SNX1: variants seen among roughly 807,000 people sequenced by gnomAD.
SNX1 encodes sorting nexin 1.
In SNX1, 36 loss-of-function variants were observed where a neutral mutation model predicts 71.8. The ratio of observed to expected loss-of-function variants is 0.50; its 90% CI spans 0.38 to 0.66. SNX1 has a LOEUF of 0.66. Among genes scored for constraint, SNX1 ranks in the 30% least tolerant of loss-of-function variants. The pLI is 0.00. For missense variants in SNX1, 612 were observed against 646.7 expected (o/e 0.95, Z 0.58); for synonymous variants, 254 against 240.7 (o/e 1.06, Z -0.51).
Position 64,096,990 on chromosome 15 carries a change from A to G in SNX1, c.159+818A>G, listed in dbSNP as rs541578286. On this transcript the variant is annotated intron_variant, in intron 1 of 14. Transcript: ENST00000559844. ...AACGAAGCAGCGAAAGCAGGAATTT[A>G]TTAAAGCGAGAAAGCACCCCACAGG... 4.6e-4 allele frequency among the ~76,000 whole-genome samples: 70 copies of G among 152,382 alleles called. No individual in the cohort carries two copies. The Middle Eastern group carries it at 0.027, about 59-fold the overall frequency.
Position 64,123,529 on chromosome 15 carries a change from T to C in SNX1, c.493T>C (p.Tyr165His). Residue 165 changes from tyrosine (Y) to histidine (H), a missense_variant, in exon 5 of 15, where the codon TAC becomes CAC. Coordinates refer to ENST00000559844, the MANE Select transcript of SNX1 (RefSeq NM_003099.5). ...IGDGMNAYVA[Y>H]KVTTQTSLPL... ...GGATGGTATGAATGCATATGTAGCC[T>C]ACAAAGTTACAACACAGGTGAGTCC... 6.2e-7 allele frequency: 1 copy of C among 1,613,982 alleles called. No individual in the cohort carries two copies. The highest frequency in any genetic ancestry group is 1.3e-5 in the African/African-American group (1 of 75,058).
intron 1 of SNX1, among the ~76,000 whole-genome samples, chr15:64,108,518 C>T (rs558934683): frequency 3.9e-5 from 6 of 152,166 alleles, no homozygotes; most frequent in East Asian, 1.9e-4. Flanking sequence ...ATACCATGAA[C>T]GTGAGTCCAT....
intron 8 of SNX1, among the ~76,000 whole-genome samples, chr15:64,128,236 T>A (rs1446487695): frequency 6.6e-6 from 1 of 152,210 alleles, no homozygotes; most frequent in Non-Finnish European, 1.5e-5. Context: ...TAGTCATGAT[T>A]GTCAAAAACT....
At chr15:64,097,676 TGG>T (rs2080917406) in intron 1 of SNX1, among the ~76,000 whole-genome samples, 1 of 152,254 alleles carries the variant, frequency 6.6e-6, no homozygotes, top group South Asian at 2.1e-4. Flanking sequence ...AGAGATGTTT[TGG>T]GCTATTTTAT....
intron 10 of SNX1, 79 bp downstream of exon 10, chr15:64,130,400 C>A: frequency 8.7e-7 from 1 of 1,146,958 alleles, no homozygotes; most frequent in Non-Finnish European, 1.3e-6. Context: ...GCATGCTGTT[C>A]CAATCCTCTC....
chr15:64,136,458 G>A (rs2290122), intron 13 of SNX1, 48 bp downstream of exon 13: 1,136,523 of 1,513,406 alleles, frequency 0.75, 435,504 homozygotes, highest in East Asian at 0.81. Context: ...TGCTTGTTTT[G>A]GGAGTACTCT....
In SNX1 at chr15:64,133,455, C is replaced by T. The variant is rs145169214; in HGVS notation, c.1222-1209C>T. Among the ~76,000 whole-genome samples, 645 of 152,298 alleles carry T rather than the reference C, an allele frequency of 4.2e-3. 6 individuals are homozygous for T. The highest frequency in any genetic ancestry group is 0.015 in the African/African-American group (616 of 41,546). The stretch of plus-strand genomic sequence containing the variant: ...AGACAATATGCAGGGAAGGTTGGGG[C>T]GTGGTGGCTCACGCCTGTAATCCCA... On this transcript the variant is annotated intron_variant, in intron 11 of 14. Coordinates refer to ENST00000559844, the MANE Select transcript of SNX1 (RefSeq NM_003099.5).
At position 64,137,774 on chromosome 15, in the gene SNX1, G is replaced by A. The variant is rs1237516220; in HGVS notation, c.*156G>A. On this transcript the variant is annotated 3_prime_UTR_variant, in exon 15 of 15. Transcript: ENST00000559844. ...CCAACTGTCCCCAGTTACTCTAACC[G>A]TTATTTCATTTAGCTTCCATATATA... 1.4e-5 allele frequency: 21 copies of A among 1,448,858 alleles called. No individual in the cohort carries two copies. Among genetic ancestry groups the A allele is most frequent in the Middle Eastern group, 3.6e-4 (2 of 5,546 alleles). The allele number at this position is 1,448,858 out of a possible 1,614,324, so 89.8% of individuals were successfully genotyped here. A position where few individuals can be genotyped will look rare whatever the true frequency, so the allele number is the denominator to read the frequency against.
At chr15:64,106,651 A>G (rs2081025112) in intron 1 of SNX1, among the ~76,000 whole-genome samples, 1 of 152,204 alleles carries the variant, frequency 6.6e-6, no homozygotes. Flanking sequence ...TGGCTGGGAC[A>G]GTGTAATCAC....
rs1487695176 is a variant in SNX1, at chr15:64,137,707, C to T, written c.*89C>T. Reference sequence around the variant, plus strand: ...CTTGATGGACCCCTAGTGATGCATCCTGCCTAGGCTGGACTTAACCCCTTC... The same window carrying T: ...CTTGATGGACCCCTAGTGATGCATCTTGCCTAGGCTGGACTTAACCCCTTC... On this transcript the variant is annotated 3_prime_UTR_variant, in exon 15 of 15. Coordinates refer to ENST00000559844, the MANE Select transcript of SNX1 (RefSeq NM_003099.5). The T allele has an allele frequency of 6.3e-7, 1 of 1,592,294 alleles. No individual in the cohort carries two copies. The highest frequency in any genetic ancestry group is 2.3e-5 in the East Asian group (1 of 44,346).
chr15:64,099,796 C>G lies in SNX1; in HGVS notation c.159+3624C>G, dbSNP rs542725469. 1.6e-4 allele frequency among the ~76,000 whole-genome samples: 24 copies of G among 152,348 alleles called. No homozygotes were observed. The South Asian group carries it at 4.1e-3, about 26-fold the overall frequency. Reference sequence around the variant, plus strand: ...GCACAATCTCAGCTCACTGCAGCCCCTGCCTCCTGGGTTCAAGCGATTCTC... The same window carrying G: ...GCACAATCTCAGCTCACTGCAGCCCGTGCCTCCTGGGTTCAAGCGATTCTC... On this transcript the variant is annotated intron_variant, in intron 1 of 14. Transcript: ENST00000559844.
chr15:64,102,437 A>G (rs2080971882), intron 1 of SNX1, among the ~76,000 whole-genome samples: 1 of 152,182 alleles, frequency 6.6e-6, no homozygotes, highest in African/African-American at 2.4e-5. Context: ...ACGATAAATT[A>G]TTGCTAACTG....
Position 64,118,057 on chromosome 15 carries a change from A to G in SNX1, c.272-60A>G. On this transcript the variant is annotated intron_variant, in intron 2 of 14. Transcript: ENST00000559844. ...GTTCTTGTAAGTTCTTAGCCTATAC[A>G]AGTTTAGCCTTCAAAGACTCATTAC... is the stretch of plus-strand genomic sequence containing the variant. 8 of 1,542,702 alleles carry G rather than the reference A, an allele frequency of 5.2e-6. 1 individual carries two copies. In the South Asian group the frequency reaches 6.9e-5, roughly 13 times the overall value.
chr15:64,108,803 C>T (rs1015246543), intron 1 of SNX1, among the ~76,000 whole-genome samples: 13 of 151,710 alleles, frequency 8.6e-5, no homozygotes, highest in African/African-American at 3.1e-4. Context: ...GCCTGGCCAA[C>T]ATGATGAAAC....
intron 2 of SNX1, among the ~76,000 whole-genome samples, chr15:64,113,850 A>G (rs550667088): frequency 2.6e-5 from 4 of 152,062 alleles, no homozygotes; most frequent in African/African-American, 4.8e-5. Context: ...AGAGAGAGAG[A>G]GAGAGAGAAA....
At chr15:64,109,204 C>T (rs1220519233) in intron 1 of SNX1, among the ~76,000 whole-genome samples, 1 of 152,138 alleles carries the variant, frequency 6.6e-6, no homozygotes, top group East Asian at 1.9e-4. Flanking sequence ...AACCCCGTCT[C>T]TACTAAAAAT....
chr15:64,137,402 C>T (rs925441877), intron 14 of SNX1, among the ~76,000 whole-genome samples, 166 bp from the exon 15 acceptor site: 1 of 152,208 alleles, frequency 6.6e-6, no homozygotes, highest in Non-Finnish European at 1.5e-5. Flanking sequence ...CCTTCCCTGT[C>T]GAGAGGGAGG....
chr15:64,141,308 C>T lies in SNX1; in HGVS notation c.*3690C>T, dbSNP rs1267505156. On this transcript the variant is annotated 3_prime_UTR_variant, in exon 15 of 15. Coordinates refer to ENST00000559844, the MANE Select transcript of SNX1 (RefSeq NM_003099.5). This position sits in a 1 kb window ranked among gnomAD's most constrained non-coding sequence, Gnocchi z 5.1. ...GATGTCTCCTCTGGTTTCAGAACTTCCTCCTCTGCTTCCTGTATCCTGAGG... is the reference window on the plus strand; with the variant it reads ...GATGTCTCCTCTGGTTTCAGAACTTTCTCCTCTGCTTCCTGTATCCTGAGG... The T allele has an allele frequency of 6.6e-6, 1 of 152,248 alleles. No individual in the cohort carries two copies. The highest frequency in any genetic ancestry group is 1.9e-4 in the East Asian group (1 of 5,194). The allele number at this position is 152,248 out of a possible 1,614,324, so 9.4% of individuals were successfully genotyped here.
Position 64,142,337 on chromosome 15 carries a change from A to AAC in SNX1, c.*4719_*4720insAC, listed in dbSNP as rs1491574800. The AAC allele has an allele frequency of 4.6e-6, 1 of 217,012 alleles. No homozygotes were observed. Among genetic ancestry groups the AAC allele is most frequent in the East Asian group, 1.3e-4 (1 of 7,486 alleles). The allele number at this position is 217,012 out of a possible 1,614,324, so 13.4% of individuals were successfully genotyped here. A position where few individuals can be genotyped will look rare whatever the true frequency, so the allele number is the denominator to read the frequency against. ...AGCAAGATCTTGTCTCAAAAAAAAA[A>AAC]GCAGCTCTGGATGGGAAGGGAGGCC... On this transcript the variant is annotated 3_prime_UTR_variant, in exon 15 of 15. Coordinates refer to ENST00000559844, the MANE Select transcript of SNX1 (RefSeq NM_003099.5).
Sources: gnomAD v4.1 joint callset for allele counts (sites outside exome capture counted in the v4.1 genomes callset) on GRCh38, gnomAD v4.1.1 for gene constraint, Gnocchi (gnomAD v3.1) non-coding constraint, MANE v1.5 for transcripts, NCBI Gene and HGNC (gene_info 2026-07-23, HGNC 2026-07-21) for gene names.